CELF2: variants seen among roughly 807,000 people sequenced by gnomAD.
CELF2 encodes CUGBP Elav-like family member 2, also known as CUG triplet repeat RNA-binding protein 2.
CELF2 carries 8 observed loss-of-function variants against 62.6 expected under a neutral mutation model. That is an observed-to-expected ratio of 0.13 (90% confidence interval 0.07 to 0.23). The LOEUF is 0.23. CELF2 is among the 10% of genes least tolerant of loss of function. The pLI is 1.00. For synonymous variants in CELF2, 258 were observed against 250.0 expected, an observed-to-expected ratio of 1.03 and a Z score of -0.30; for missense variants, 333 against 671.0, an observed-to-expected ratio of 0.50 and a Z score of 5.56.
the CELF2 span, among the ~76,000 whole-genome samples, chr10:10,793,029 G>C: frequency 6.6e-6 from 1 of 152,188 alleles, no homozygotes; most frequent in Admixed American, 6.5e-5. Flanking sequence ...GAGAGCCTTA[G>C]AACCAGCAGA....
rs1353886840 is a variant in CELF2 at position 11,012,862 on chromosome 10, C to G, written c.53+7422C>G. Reference sequence around the variant, plus strand: ...CGGCATCTTCAAGAGGGCACTGGGACATTTCTTCAAAGGATTTTTTTTTTT... The same window carrying G: ...CGGCATCTTCAAGAGGGCACTGGGAGATTTCTTCAAAGGATTTTTTTTTTT... On this transcript the variant is annotated intron_variant, in intron 1 of 12. Transcript: ENST00000416382. This position sits in a 1 kb window ranked among gnomAD's most constrained non-coding sequence, Gnocchi z 5.5. 6.6e-6 allele frequency among the ~76,000 whole-genome samples: 1 copy of G among 152,052 alleles called. No individual in the cohort carries two copies. The highest frequency in any genetic ancestry group is 2.1e-4 in the South Asian group (1 of 4,822).
Position 10,957,458 on chromosome 10 carries a change from A to T in CELF2, c.89+37459A>T, listed in dbSNP as rs1345058568. On this transcript the variant is annotated intron_variant, in intron 2 of 13. Transcript: ENST00000636488. The surrounding 1 kb of genome is among the most constrained non-coding windows in gnomAD (Gnocchi z 4.1). Reference sequence around the variant, plus strand: ...GTGAGGCAATGTGAGCTAAGGCCAGAAGAAACCCTACTGGAATTAACCAGG... The same window carrying T: ...GTGAGGCAATGTGAGCTAAGGCCAGTAGAAACCCTACTGGAATTAACCAGG... Among the ~76,000 whole-genome samples, 1 of 152,180 alleles carries T rather than the reference A, an allele frequency of 6.6e-6. No homozygotes were observed. Among genetic ancestry groups the T allele is most frequent in the East Asian group, 1.9e-4 (1 of 5,190 alleles).
chr10:11,071,768 C>T (rs933598892), intron 1 of CELF2: 2 of 152,182 alleles, frequency 1.3e-5, no homozygotes, highest in African/African-American at 4.8e-5. Context: ...TTTGTTTCTG[C>T]TGCTTCACCA....
rs2063604575 is a variant in CELF2 at position 11,217,312 on chromosome 10, T to A, written c.272-113T>A. 1.5e-5 allele frequency: 10 copies of A among 647,946 alleles called. No individual in the cohort carries two copies. Among genetic ancestry groups the A allele is most frequent in the Admixed American group, 2.9e-5 (1 of 34,356 alleles). The allele number at this position is 647,946 out of a possible 1,614,324, so 40.1% of individuals were successfully genotyped here. ...GTTATTGCTGTTCTCATATGCTTTA[T>A]TATTTTTAAATTGTGCGTCCTTTTA... is the stretch of plus-strand genomic sequence containing the variant. On this transcript the variant is annotated intron_variant, in intron 2 of 12. Transcript: ENST00000633077. The surrounding 1 kb of genome is among the most constrained non-coding windows in gnomAD (Gnocchi z 5.6).
In CELF2 at chr10:11,075,622, C is replaced by G. The variant is rs1445868960; in HGVS notation, c.74+57459C>G. ...ACGTATGGACTTAAATGTCCAGGGT[C>G]TACAGTGAATGTTGGTTTAGCGTTC... On this transcript the variant is annotated intron_variant, in intron 1 of 12. Transcript: ENST00000633077. This position sits in a 1 kb window ranked among gnomAD's most constrained non-coding sequence, Gnocchi z 5.4. 6.6e-6 allele frequency among the ~76,000 whole-genome samples: 1 copy of G among 152,146 alleles called. No individual in the cohort carries two copies. Among genetic ancestry groups the G allele is most frequent in the Non-Finnish European group, 1.5e-5 (1 of 68,024 alleles).
intron 1 of CELF2, among the ~76,000 whole-genome samples, chr10:11,149,778 C>T (rs992596141): frequency 2.6e-5 from 4 of 152,144 alleles, no homozygotes; most frequent in African/African-American, 9.7e-5. Context: ...ACAAGCTGAT[C>T]GCTAAGTGTG....
the CELF2 span, among the ~76,000 whole-genome samples, chr10:10,544,136 G>A: frequency 6.6e-6 from 1 of 152,194 alleles, no homozygotes; most frequent in Non-Finnish European, 1.5e-5. Context: ...AAATGCTGGC[G>A]ACCAGTGTTG....
intron 1 of CELF2, among the ~76,000 whole-genome samples, chr10:11,143,723 G>A (rs550536480): frequency 6.6e-6 from 1 of 152,308 alleles, no homozygotes; most frequent in Non-Finnish European, 1.5e-5. Context: ...ACCAGTCTTA[G>A]TATAGACCTT....
At chr10:10,489,346 G>A in the CELF2 span, among the ~76,000 whole-genome samples, 1 of 152,080 alleles carries the variant, frequency 6.6e-6, no homozygotes, top group Admixed American at 6.5e-5. Context: ...CTGGAACAGT[G>A]CTGGTACATT....
the CELF2 span, among the ~76,000 whole-genome samples, chr10:10,726,596 A>G: frequency 1.3e-5 from 2 of 152,204 alleles, no homozygotes. Context: ...TGCACTGAAC[A>G]GGAGGAATAG....
chr10:11,059,696 ATGCAGTGATT>A (rs1166346506), intron 1 of CELF2, among the ~76,000 whole-genome samples: 1 of 152,196 alleles, frequency 6.6e-6, no homozygotes, highest in Admixed American at 6.5e-5. Flanking sequence ...AGTATGGAAA[ATGCAGTGATT>A]TGTATCAGCC....
At position 11,177,421 on chromosome 10, in the gene CELF2, T is replaced by TA. The variant is rs58453098; in HGVS notation, c.271+11753dup. Among the ~76,000 whole-genome samples the TA allele has an allele frequency of 0.14, 19,676 of 140,892 alleles. 2,039 individuals are homozygous for TA. Among genetic ancestry groups the TA allele is most frequent in the East Asian group, 0.51 (2,556 of 4,988 alleles). The allele number at this position is 140,892 out of a possible 152,430, so 92.4% of individuals were successfully genotyped here. On this transcript the variant is annotated intron_variant, in intron 2 of 12. Coordinates refer to ENST00000633077, the MANE Select transcript of CELF2 (RefSeq NM_001326342.2). This position sits in a 1 kb window ranked among gnomAD's most constrained non-coding sequence, Gnocchi z 4.8. The stretch of plus-strand genomic sequence containing the variant: ...TTGGCTTATGTTTGCATGTGTGAAT[T>TA]AAAAAAAAAAAAAAGAGAAAATTAG...
chr10:10,521,424 T>C, the CELF2 span, among the ~76,000 whole-genome samples: 23 of 152,312 alleles, frequency 1.5e-4, no homozygotes, highest in East Asian at 3.9e-3. Context: ...GTGCCTTCAG[T>C]TTTCAGATTA....
chr10:11,250,265 TCAGGAGGCCAAGG>T (rs1286351521), intron 4 of CELF2, among the ~76,000 whole-genome samples: 1 of 152,160 alleles, frequency 6.6e-6, no homozygotes, highest in African/African-American at 2.4e-5. Context: ...TTGAAGCTGC[TCAGGAGGCCAAGG>T]CAGGAGGATC....
intron 9 of CELF2, among the ~76,000 whole-genome samples, chr10:11,312,620 A>G (rs1432591808): frequency 6.6e-6 from 1 of 152,232 alleles, no homozygotes; most frequent in Non-Finnish European, 1.5e-5. Flanking sequence ...CTTCCAAAGT[A>G]GTAGAGAGGG....
the CELF2 span, among the ~76,000 whole-genome samples, chr10:10,575,006 C>T: frequency 2.6e-5 from 4 of 151,986 alleles, no homozygotes; most frequent in Non-Finnish European, 5.9e-5. Context: ...GCGTGAGCCA[C>T]CGCACCTGAC....
chr10:11,143,899 G>C (rs2061781083), intron 1 of CELF2, among the ~76,000 whole-genome samples: 1 of 152,106 alleles, frequency 6.6e-6, no homozygotes, highest in South Asian at 2.1e-4. Flanking sequence ...TCTTCAAAAA[G>C]GAAACAAATA....
At chr10:10,542,312 A>G in the CELF2 span, among the ~76,000 whole-genome samples, 174 of 152,270 alleles carry the variant, frequency 1.1e-3, no homozygotes, top group African/African-American at 4.1e-3. Context: ...TTCAAACACA[A>G]GTTAGCATGG....
chr10:10,499,738 C>T, the CELF2 span, among the ~76,000 whole-genome samples: 13 of 152,194 alleles, frequency 8.5e-5, no homozygotes, highest in East Asian at 3.9e-4. Flanking sequence ...ATTAGCCGGG[C>T]GTGGTGGCAT....
Sources: allele counts gnomAD v4.1 joint callset (sites outside exome capture counted in the v4.1 genomes callset), GRCh38; gene constraint gnomAD v4.1.1; non-coding constraint Gnocchi (gnomAD v3.1); transcripts MANE v1.5; gene names NCBI Gene and HGNC (gene_info 2026-07-23, HGNC 2026-07-21).